Variants in FUCA1 observed in about 807,000 individuals in gnomAD.
FUCA1 encodes the protein tissue alpha-L-fucosidase.
A neutral mutation model predicts 56.8 loss-of-function variants in FUCA1; 52 were observed. The observed-to-expected ratio is 0.92, with a 90% CI of 0.73 to 1.15. FUCA1 has a LOEUF of 1.15. Ranked by LOEUF, FUCA1 falls within the 50% of genes most tolerant of loss-of-function variation. FUCA1 has a pLI of 0.00. For missense variants in FUCA1, 568 were observed against 592.6 expected (o/e 0.96, Z 0.43); for synonymous variants, 230 against 226.6 (o/e 1.02, Z -0.14).
At chr1:23,845,934 C>T (rs1639130014) in intron 7 of FUCA1, 79 bp from the exon 8 acceptor site, 9 of 1,583,834 alleles carry the variant, frequency 5.7e-6, no homozygotes, top group Non-Finnish European at 7.8e-6. Context: ...TGGTAGGAAA[C>T]AGCCACGCTG....
At chr1:23,855,461 C>T (rs917183349) in intron 4 of FUCA1, among the ~76,000 whole-genome samples, 1 of 152,238 alleles carries the variant, frequency 6.6e-6, no homozygotes. Flanking sequence ...CGTGCCACTG[C>T]ACTCCAGCCT....
At chr1:23,866,534 G>C (rs1183104942) in intron 1 of FUCA1, among the ~76,000 whole-genome samples, 1 of 152,230 alleles carries the variant, frequency 6.6e-6, no homozygotes, top group Non-Finnish European at 1.5e-5. Context: ...GGCCAGAGTA[G>C]GGAACTCCAG....
chr1:23,862,594 T>C (rs929703502), intron 3 of FUCA1, among the ~76,000 whole-genome samples: 1 of 152,332 alleles, frequency 6.6e-6, no homozygotes, highest in Admixed American at 6.5e-5. Flanking sequence ...TGTGAAGAAC[T>C]AGTGACAAAT....
At position 23,848,163 on chromosome 1, in the gene FUCA1, C is replaced by G. The variant is rs184053963; in HGVS notation, c.1160+486G>C. 2.6e-5 allele frequency among the ~76,000 whole-genome samples: 4 copies of G among 152,238 alleles called. No homozygotes were observed. In the East Asian group the frequency reaches 7.7e-4, roughly 29 times the overall value. Reference sequence around the variant, plus strand: ...GATTAGATCCAGAGACCTAAGCTCTCTGGTATAATAAAAGCAGTTCCCTTT... The same window carrying G: ...GATTAGATCCAGAGACCTAAGCTCTGTGGTATAATAAAAGCAGTTCCCTTT... On this transcript the variant is annotated intron_variant, in intron 6 of 7. Transcript: ENST00000374479.
chr1:23,854,857 C>G (rs1639360177), intron 4 of FUCA1, among the ~76,000 whole-genome samples: 1 of 152,142 alleles, frequency 6.6e-6, no homozygotes, highest in African/African-American at 2.4e-5. Context: ...GTCAACAGTA[C>G]TGAGGTAGAG....
Position 23,863,139 on chromosome 1 carries a change from A to C in FUCA1, c.657T>G (p.Val219=). The C allele has an allele frequency of 1.2e-6, 2 of 1,613,890 alleles. No homozygotes were observed. The highest frequency in any genetic ancestry group is 1.7e-6 in the Non-Finnish European group (2 of 1,179,970). Residue 219 remains valine (V), a synonymous_variant, in exon 3 of 8, where the codon GTT becomes GTG. Coordinates refer to ENST00000374479, the MANE Select transcript of FUCA1 (RefSeq NM_000147.5). ...AKTMPELYDL[V]NSYKPDLIWS... Reference sequence around the variant, plus strand: ...AAAATATTTCAGTGTCTTACCTGTTAACAAGGTCGTACAGCTCTGGCATTG... The same window carrying C: ...AAAATATTTCAGTGTCTTACCTGTTCACAAGGTCGTACAGCTCTGGCATTG...
Position 23,848,642 on chromosome 1 carries a change from G to T in FUCA1, c.1160+7C>A, listed in dbSNP as rs1384977518. 6.2e-7 allele frequency: 1 copy of T among 1,613,866 alleles called. No homozygotes were observed. Among genetic ancestry groups the T allele is most frequent in the Admixed American group, 1.7e-5 (1 of 60,004 alleles). ...TGTTCTTACACACAACAGAAGACAA[G>T]ACTCACCATACAGATGTTGTGTTCT... On this transcript the variant is annotated splice_region_variant and intron_variant, in intron 6 of 7. Coordinates refer to ENST00000374479, the MANE Select transcript of FUCA1 (RefSeq NM_000147.5).
intron 6 of FUCA1, among the ~76,000 whole-genome samples, chr1:23,846,446 T>A: frequency 6.6e-6 from 1 of 152,126 alleles, no homozygotes; most frequent in African/African-American, 2.4e-5. Flanking sequence ...AACTTTTGTA[T>A]TTTTAGTAGA....
chr1:23,858,938 C>G (rs1439188061), intron 4 of FUCA1, among the ~76,000 whole-genome samples: 1 of 151,906 alleles, frequency 6.6e-6, no homozygotes, highest in East Asian at 1.9e-4. Context: ...GTCCGTGCCA[C>G]CACACCCAGC....
At position 23,854,133 on chromosome 1, in the gene FUCA1, T is replaced by C. The variant is rs35904775; in HGVS notation, c.969+227A>G. On this transcript the variant is annotated intron_variant, in intron 5 of 7. Coordinates refer to ENST00000374479, the MANE Select transcript of FUCA1 (RefSeq NM_000147.5). ...TACTACCCACACCCACTTTAAGATA[T>C]AGATTACAACCAACACCGTTAAAGC... Among the ~76,000 whole-genome samples, 62,643 of 151,218 alleles carry C rather than the reference T, an allele frequency of 0.41. 12,874 individuals carry two copies. Among genetic ancestry groups the C allele is most frequent in the East Asian group, 0.47 (2,436 of 5,158 alleles).
intron 5 of FUCA1, among the ~76,000 whole-genome samples, chr1:23,850,872 G>A (rs1639241285): frequency 6.6e-6 from 1 of 151,964 alleles, no homozygotes; most frequent in Non-Finnish European, 1.5e-5. Flanking sequence ...CAATCCTCTT[G>A]TCTTGGTCTC....
intron 4 of FUCA1, 42 bp downstream of exon 4, chr1:23,859,756 T>C (rs2148445947): frequency 1.5e-6 from 2 of 1,330,778 alleles, no homozygotes; most frequent in Non-Finnish European, 2.2e-6. Context: ...TTGCACTTTC[T>C]TTCTTCATAG....
rs537094581 is a variant in FUCA1, at chr1:23,867,316, C to G, written c.389+582G>C. Among the ~76,000 whole-genome samples the G allele has an allele frequency of 4.6e-5, 7 of 152,258 alleles. No individual in the cohort carries two copies. Among genetic ancestry groups the G allele is most frequent in the African/African-American group, 1.4e-4 (6 of 41,556 alleles). ...GCCACCCCCAAGTTCCAACAGTTCT[C>G]AGAGAGAGTCAGACCCTTCCTGGAC... On this transcript the variant is annotated intron_variant, in intron 1 of 7. Coordinates refer to ENST00000374479, the MANE Select transcript of FUCA1 (RefSeq NM_000147.5). The surrounding 1 kb of genome is among the most constrained non-coding windows in gnomAD (Gnocchi z 4.9).
chr1:23,848,873 T>C (rs975673790), intron 5 of FUCA1, 34 bp from the exon 6 acceptor site: 1 of 1,570,808 alleles, frequency 6.4e-7, no homozygotes, highest in Non-Finnish European at 8.8e-7. Context: ...AGTCTAGCTA[T>C]GAATGCCAAG....
intron 5 of FUCA1, among the ~76,000 whole-genome samples, chr1:23,850,236 A>T (rs527567633): frequency 3.3e-4 from 50 of 151,020 alleles, no homozygotes; most frequent in African/African-American, 1.2e-3. Context: ...GAATCACTTG[A>T]ACCCGGGAGG....
intron 4 of FUCA1, among the ~76,000 whole-genome samples, chr1:23,857,479 C>T (rs1166059442): frequency 1.3e-5 from 2 of 152,036 alleles, no homozygotes; most frequent in Non-Finnish European, 2.9e-5. Context: ...CACAAACATT[C>T]ATCAAGTTCC....
chr1:23,860,456 C>T (rs868035835), intron 3 of FUCA1, among the ~76,000 whole-genome samples: 5 of 151,626 alleles, frequency 3.3e-5, no homozygotes, highest in Middle Eastern at 3.4e-3. Context: ...TGGTGGTGGG[C>T]GCCTGTATTC....
chr1:23,853,234 G>A (rs1339220270), intron 5 of FUCA1, among the ~76,000 whole-genome samples: 1 of 150,658 alleles, frequency 6.6e-6, no homozygotes, highest in African/African-American at 2.5e-5. Flanking sequence ...GAAACCCTCC[G>A]CCTGGCAACC....
Position 23,863,235 on chromosome 1 carries a change from C to T in FUCA1, c.561G>A (p.Glu187=). The change falls in exon 3 of 8, where the codon GAG becomes GAA. Residue 187 remains glutamate (E), a synonymous_variant. Coordinates refer to ENST00000374479, the MANE Select transcript of FUCA1 (RefSeq NM_000147.5). ...CAAGTAGATAGAGTGGATGGAACCA[C>T]TCTAAGAGTGAGTGGTATAGTCCAT... ...IRYGLYHSLL[E]WFHPLYLLDK... 1 of 1,613,740 alleles carries T rather than the reference C, an allele frequency of 6.2e-7. No individual in the cohort carries two copies.
Sources: allele counts gnomAD v4.1 joint callset (sites outside exome capture counted in the v4.1 genomes callset), GRCh38; gene constraint gnomAD v4.1.1; non-coding constraint Gnocchi (gnomAD v3.1); transcripts MANE v1.5; gene names NCBI Gene and HGNC (gene_info 2026-07-23, HGNC 2026-07-21).